Variants in FAM81B observed in about 807,000 individuals in gnomAD.
The protein encoded by FAM81B is protein FAM81B.
In FAM81B, 60 loss-of-function variants were observed where a neutral mutation model predicts 58.7. The observed-to-expected ratio is 1.02, with a 90% CI of 0.83 to 1.27. The LOEUF is 1.27. Ranked by LOEUF, FAM81B falls within the 50% of genes most tolerant of loss-of-function variation. FAM81B has a pLI of 0.00. For synonymous variants in FAM81B, 189 were observed against 179.6 expected (o/e 1.05, Z -0.42); for missense variants, 491 against 522.0 (o/e 0.94, Z 0.58).
intron 9 of FAM81B, 128 bp downstream of exon 9, chr5:95,448,592 C>T: frequency 1.2e-6 from 1 of 863,754 alleles, no homozygotes; most frequent in Non-Finnish European, 1.8e-6. Flanking sequence ...ATTTATTCCA[C>T]TTTTCTAAAT....
At chr5:95,396,981 T>C (rs1006913395) in intron 3 of FAM81B, 2 of 152,208 alleles carry the variant, frequency 1.3e-5, no homozygotes, top group Non-Finnish European at 2.9e-5. Flanking sequence ...TTAATAATCA[T>C]GACCACAGAA....
intron 5 of FAM81B, among the ~76,000 whole-genome samples, chr5:95,422,650 T>C (rs1163469965): frequency 6.6e-6 from 1 of 152,186 alleles, no homozygotes; most frequent in Admixed American, 6.5e-5. Flanking sequence ...GACTGGCTAA[T>C]TTCAAACATG....
At chr5:95,400,487 A>G (rs1341988104) in intron 3 of FAM81B, among the ~76,000 whole-genome samples, 1 of 151,874 alleles carries the variant, frequency 6.6e-6, no homozygotes, top group Non-Finnish European at 1.5e-5. Flanking sequence ...GACACCAGCC[A>G]TGCTGGATTA....
chr5:95,412,579 T>G (rs762441643), intron 3 of FAM81B, among the ~76,000 whole-genome samples: 2 of 152,198 alleles, frequency 1.3e-5, no homozygotes, highest in Non-Finnish European at 2.9e-5. Flanking sequence ...TTTCACCATA[T>G]GCATTGGGCT....
intron 6 of FAM81B, among the ~76,000 whole-genome samples, chr5:95,434,921 G>A (rs1384686540): frequency 2.6e-5 from 4 of 152,176 alleles, no homozygotes; most frequent in Admixed American, 2.6e-4. Context: ...ATGCCATAAA[G>A]GAATTAAATG....
intron 3 of FAM81B, among the ~76,000 whole-genome samples, chr5:95,412,656 A>T (rs7703853): frequency 0.27 from 41,139 of 151,962 alleles, 5,755 homozygotes; most frequent in Non-Finnish European, 0.3. Context: ...GAAGGGACTT[A>T]ATTCCAAATC....
At chr5:95,392,736 C>A in intron 1 of FAM81B, 58 bp from the exon 2 acceptor site, 1 of 1,424,148 alleles carries the variant, frequency 7.0e-7, no homozygotes, top group Non-Finnish European at 9.6e-7. Flanking sequence ...AAATTAGCAG[C>A]ACTGCAAAAA....
Position 95,414,085 on chromosome 5 carries a change from G to A in FAM81B, c.432G>A (p.Gln144=), listed in dbSNP as rs1762474129. ...RIKEDISACL[Q]GTHGFRKEES... ...AGGAGGACATCTCTGCTTGCCTGCA[G>A]GGGACCCATGGCTTTCGAAAAGAGG... Residue 144 remains glutamine (Q), a synonymous_variant, in exon 4 of 10, where the codon CAG becomes CAA. Coordinates refer to ENST00000283357, the MANE Select transcript of FAM81B (RefSeq NM_152548.3). 2 of 1,613,964 alleles carry A rather than the reference G, an allele frequency of 1.2e-6. No individual in the cohort carries two copies. Among genetic ancestry groups the A allele is most frequent in the African/African-American group, 1.3e-5 (1 of 74,904 alleles).
Position 95,391,452 on chromosome 5 carries a change from G to A in FAM81B, c.63G>A (p.Leu21=). Residue 21 remains leucine (L), a synonymous_variant, in exon 1 of 10, where the codon TTG becomes TTA. Transcript: ENST00000283357. The part of the protein sequence containing the change: ...SSEKRKKSQR[L]FFKNIKSTKN... ...AAAAAAGAAAAAAATCACAGAGATT[G>A]TTTTTCAAAAATATCAAATCTACAA... 1 of 1,613,608 alleles carries A rather than the reference G, an allele frequency of 6.2e-7. No individual in the cohort carries two copies. The highest frequency in any genetic ancestry group is 8.5e-7 in the Non-Finnish European group (1 of 1,179,686).
At chr5:95,440,954 G>A (rs1745318066) in intron 7 of FAM81B, among the ~76,000 whole-genome samples, 1 of 152,106 alleles carries the variant, frequency 6.6e-6, no homozygotes, top group Non-Finnish European at 1.5e-5. Flanking sequence ...GAAGAGAAGA[G>A]CAATACTGAA....
chr5:95,441,764 C>T (rs148147485), intron 7 of FAM81B, among the ~76,000 whole-genome samples: 27 of 152,184 alleles, frequency 1.8e-4, no homozygotes, highest in African/African-American at 5.5e-4. Flanking sequence ...TCTCTAGATC[C>T]GACAAAGACA....
chr5:95,391,781 T>C (rs1761825798), intron 1 of FAM81B, among the ~76,000 whole-genome samples: 2 of 152,022 alleles, frequency 1.3e-5, no homozygotes, highest in Admixed American at 1.3e-4. Context: ...ATTACAGAAA[T>C]GCAAATCAAA....
At chr5:95,445,877 C>T (rs1457463772) in intron 7 of FAM81B, among the ~76,000 whole-genome samples, 1 of 152,110 alleles carries the variant, frequency 6.6e-6, no homozygotes, top group Non-Finnish European at 1.5e-5. Context: ...TCCTCTCTGC[C>T]CCTGCTCCTC....
At chr5:95,433,517 C>G (rs1042931208) in intron 6 of FAM81B, among the ~76,000 whole-genome samples, 12 of 152,078 alleles carry the variant, frequency 7.9e-5, no homozygotes, top group African/African-American at 2.9e-4. Flanking sequence ...AGTTTTTTCC[C>G]CACCCTCTGA....
chr5:95,447,586 C>A (rs966858589), intron 8 of FAM81B, among the ~76,000 whole-genome samples: 3 of 152,140 alleles, frequency 2.0e-5, no homozygotes, highest in Non-Finnish European at 2.9e-5. Context: ...CAGAAACCTC[C>A]CACCATAAGG....
At chr5:95,423,993 C>T (rs939294261) in intron 5 of FAM81B, 12 of 1,287,608 alleles carry the variant, frequency 9.3e-6, no homozygotes, top group Admixed American at 6.9e-5. Flanking sequence ...CAACACCAAA[C>T]AGCCGGGAGG....
At chr5:95,433,780 T>C (rs1174091859) in intron 6 of FAM81B, among the ~76,000 whole-genome samples, 1 of 152,306 alleles carries the variant, frequency 6.6e-6, no homozygotes, top group South Asian at 2.1e-4. Flanking sequence ...TTTAGTCTAC[T>C]GCTGTCTTGG....
At chr5:95,406,388 A>C (rs1762247354) in intron 3 of FAM81B, 1 of 152,638 alleles carries the variant, frequency 6.6e-6, no homozygotes, top group Admixed American at 6.5e-5. Context: ...CAGTTGAGCC[A>C]AAGAAGACTT....
At chr5:95,393,592 A>G (rs1444538960) in intron 2 of FAM81B, among the ~76,000 whole-genome samples, 1 of 152,190 alleles carries the variant, frequency 6.6e-6, no homozygotes, top group Non-Finnish European at 1.5e-5. Flanking sequence ...TATGATTATC[A>G]TCATCATCTA....
Sources: gnomAD v4.1 joint callset for allele counts (sites outside exome capture counted in the v4.1 genomes callset) on GRCh38, gnomAD v4.1.1 for gene constraint, MANE v1.5 for transcripts, NCBI Gene and HGNC (gene_info 2026-07-23, HGNC 2026-07-21) for gene names.